The following MMP26 variants were observed in gnomAD, a reference collection of about 807,000 sequenced individuals.
MMP26 encodes the protein matrix metallopeptidase 26.
A neutral mutation model predicts 31.0 loss-of-function variants in MMP26; 33 were observed. The observed-to-expected ratio is 1.06, with a 90% CI of 0.81 to 1.42. The LOEUF (loss-of-function observed/expected upper bound fraction) is 1.42. Ranked by LOEUF, MMP26 falls within the 40% of genes most tolerant of loss-of-function variation. MMP26 has a pLI of 0.00. For missense variants in MMP26, 347 were observed against 316.1 expected (o/e 1.10, Z -0.74); for synonymous variants, 122 against 114.9 (o/e 1.06, Z -0.40).
At chr11:4,883,111 A>G (rs559459995) in intron 2 of MMP26, among the ~76,000 whole-genome samples, 2 of 152,310 alleles carry the variant, frequency 1.3e-5, no homozygotes, top group South Asian at 4.1e-4. Context: ...TTAAACAATG[A>G]CATGACTCCT....
chr11:4,958,823 T>C (rs1846479682), intron 2 of MMP26, among the ~76,000 whole-genome samples: 3 of 152,182 alleles, frequency 2.0e-5, no homozygotes, highest in African/African-American at 7.2e-5. Flanking sequence ...TGTCTCTAAG[T>C]TGCTTATCAG....
chr11:4,914,437 C>T (rs1589937314), intron 2 of MMP26: 2 of 338,162 alleles, frequency 5.9e-6, no homozygotes, highest in East Asian at 1.0e-4. Context: ...AGAAGTAGAC[C>T]CTATCTCTTT....
At chr11:4,727,467 AT>A (rs527974151) in intron 1 of MMP26, among the ~76,000 whole-genome samples, 1 of 152,138 alleles carries the variant, frequency 6.6e-6, no homozygotes, top group African/African-American at 2.4e-5. Context: ...AAAAATCTGT[AT>A]TTTTTAAAAT....
intron 1 of MMP26, among the ~76,000 whole-genome samples, chr11:4,727,452 T>A (rs1251548350): frequency 1.3e-5 from 2 of 152,120 alleles, no homozygotes; most frequent in Non-Finnish European, 2.9e-5. Context: ...ATGGCCATAT[T>A]TGAAAAAAAT....
intron 2 of MMP26, among the ~76,000 whole-genome samples, chr11:4,783,783 C>T (rs1047407217): frequency 2.6e-5 from 4 of 152,128 alleles, no homozygotes; most frequent in African/African-American, 9.7e-5. Context: ...GAATAAGTCT[C>T]ACAAGATCTG....
At chr11:4,810,404 C>G (rs574622240) in intron 2 of MMP26, among the ~76,000 whole-genome samples, 3 of 151,888 alleles carry the variant, frequency 2.0e-5, no homozygotes, top group East Asian at 1.9e-4. Context: ...TGTGAATAAG[C>G]GTAAGTGTAT....
At chr11:4,839,842 G>A (rs114014308) in intron 2 of MMP26, among the ~76,000 whole-genome samples, 2,776 of 151,882 alleles carry the variant, frequency 0.018, 74 homozygotes, top group African/African-American at 0.061. Context: ...GTAGGTACCA[G>A]CACAACCACA....
At chr11:4,903,817 T>C (rs904895620) in intron 2 of MMP26, 3 of 152,152 alleles carry the variant, frequency 2.0e-5, no homozygotes, top group Non-Finnish European at 4.4e-5. Context: ...TAAGGAGCTA[T>C]AAATCCTTTT....
intron 1 of MMP26, among the ~76,000 whole-genome samples, chr11:4,754,554 A>C (rs1848483957): frequency 6.6e-6 from 1 of 152,044 alleles, no homozygotes. Flanking sequence ...ATTAGTCAAA[A>C]TATAATTTTA....
chr11:4,954,416 G>A (rs1298583933), intron 2 of MMP26, among the ~76,000 whole-genome samples: 1 of 124,854 alleles, frequency 8.0e-6, no homozygotes, highest in Non-Finnish European at 1.8e-5. Context: ...ATAAAATTTG[G>A]GTCTAGCAGT....
chr11:4,723,708 GC>G (rs1848052392), intron 1 of MMP26: 4 of 1,015,890 alleles, frequency 3.9e-6, no homozygotes, highest in Non-Finnish European at 6.2e-6. Context: ...GCTTCTCCTG[GC>G]CCAGAGTGTC....
intron 2 of MMP26, among the ~76,000 whole-genome samples, chr11:4,918,073 C>T (rs1485071831): frequency 2.0e-5 from 3 of 151,968 alleles, no homozygotes; most frequent in Non-Finnish European, 4.4e-5. Context: ...CCAAAAATCA[C>T]CACACTTAGA....
chr11:4,746,983 T>TA (rs1589889649), intron 1 of MMP26, among the ~76,000 whole-genome samples: 1 of 152,096 alleles, frequency 6.6e-6, no homozygotes, highest in African/African-American at 2.4e-5. Flanking sequence ...TCCTTATTTG[T>TA]AAAAAATGAA....
chr11:4,956,467 G>T (rs1846444652), intron 2 of MMP26, among the ~76,000 whole-genome samples: 1 of 152,190 alleles, frequency 6.6e-6, no homozygotes, highest in Non-Finnish European at 1.5e-5. Flanking sequence ...TTTGTTTGGA[G>T]AGAGGTCCTT....
intron 2 of MMP26, among the ~76,000 whole-genome samples, chr11:4,838,528 C>G (rs1352692469): frequency 6.6e-6 from 1 of 151,734 alleles, no homozygotes; most frequent in Non-Finnish European, 1.5e-5. Context: ...TAGAGCATTG[C>G]TTGGAGTGGC....
intron 2 of MMP26, among the ~76,000 whole-genome samples, chr11:4,859,266 C>T (rs1374896899): frequency 6.6e-6 from 1 of 151,958 alleles, no homozygotes; most frequent in Non-Finnish European, 1.5e-5. Context: ...AAAATGATAA[C>T]CAAGGGTGAA....
At chr11:4,874,020 C>A (rs945813862) in intron 2 of MMP26, among the ~76,000 whole-genome samples, 1 of 151,968 alleles carries the variant, frequency 6.6e-6, no homozygotes, top group African/African-American at 2.4e-5. Flanking sequence ...GACCCTCAAT[C>A]CAATCAGACC....
chr11:4,872,543 C>T (rs1850324423), intron 2 of MMP26, among the ~76,000 whole-genome samples: 1 of 151,772 alleles, frequency 6.6e-6, no homozygotes, highest in South Asian at 2.1e-4. Flanking sequence ...AGCTCAAGGT[C>T]AATAGCAGAT....
At chr11:4,887,854 T>G (rs981642826) in intron 2 of MMP26, among the ~76,000 whole-genome samples, 1 of 152,058 alleles carries the variant, frequency 6.6e-6, no homozygotes, top group African/African-American at 2.4e-5. Flanking sequence ...CAACTGATAA[T>G]TATGACATAA....
Sources: gnomAD v4.1 joint callset for allele counts (sites outside exome capture counted in the v4.1 genomes callset) on GRCh38, gnomAD v4.1.1 for gene constraint, MANE v1.5 for transcripts, NCBI Gene and HGNC (gene_info 2026-07-23, HGNC 2026-07-21) for gene names.